Variants in DYNC2I2 observed in about 807,000 individuals in gnomAD.
DYNC2I2 encodes dynein 2 intermediate chain 2.
A neutral mutation model predicts 52.0 loss-of-function variants in DYNC2I2; 39 were observed. The observed-to-expected ratio is 0.75, with a 90% CI of 0.58 to 0.98. The LOEUF (loss-of-function observed/expected upper bound fraction) is 0.98. Ranked by LOEUF, DYNC2I2 falls within the 50% of genes least tolerant of loss-of-function variation. DYNC2I2 has a pLI of 0.00. For synonymous variants in DYNC2I2, 359 were observed against 321.1 expected (o/e 1.12, Z -1.26); for missense variants, 743 against 728.4 (o/e 1.02, Z -0.23).
At chr9:128,641,557 G>A (rs1299581467) in intron 1 of DYNC2I2, among the ~76,000 whole-genome samples, 1 of 152,146 alleles carries the variant, frequency 6.6e-6, no homozygotes, top group Non-Finnish European at 1.5e-5. Flanking sequence ...AACAGGGCAG[G>A]AGAGGCCAGC....
intron 2 of DYNC2I2, 127 bp downstream of exon 2, chr9:128,640,564 A>G: frequency 1.4e-6 from 2 of 1,441,620 alleles, no homozygotes; most frequent in Non-Finnish European, 1.9e-6. Flanking sequence ...ACCAGGCAGG[A>G]CATTAGAGCC....
chr9:128,665,053 T>C, the DYNC2I2 span, among the ~76,000 whole-genome samples: 49 of 151,128 alleles, frequency 3.2e-4, no homozygotes, highest in African/African-American at 1.2e-3. Context: ...TCTTTTTCTT[T>C]TTCTTTTTTT....
At chr9:128,645,181 T>C (rs1215966216) in intron 1 of DYNC2I2, among the ~76,000 whole-genome samples, 16 of 120,282 alleles carry the variant, frequency 1.3e-4, no homozygotes, top group African/African-American at 5.0e-4. Flanking sequence ...TGAAACCCCA[T>C]CTCTACTAAA....
chr9:128,652,513 C>T (rs989338740), intron 1 of DYNC2I2, among the ~76,000 whole-genome samples: 5 of 149,916 alleles, frequency 3.3e-5, no homozygotes, highest in Non-Finnish European at 5.9e-5. Flanking sequence ...CTCCTAGGTA[C>T]TCAGGAGGCT....
intron 1 of DYNC2I2, among the ~76,000 whole-genome samples, chr9:128,641,945 T>G (rs887872078): frequency 6.6e-6 from 1 of 151,408 alleles, no homozygotes; most frequent in East Asian, 1.9e-4. Context: ...TGCATGGTAT[T>G]TGGCACAAAG....
the DYNC2I2 span, among the ~76,000 whole-genome samples, chr9:128,678,346 G>A: frequency 5.3e-5 from 8 of 151,358 alleles, no homozygotes; most frequent in African/African-American, 1.9e-4. Flanking sequence ...GGGATTACAG[G>A]TGTGAGCCAC....
intron 1 of DYNC2I2, 23 bp downstream of exon 1, chr9:128,656,518 C>T: frequency 7.8e-7 from 1 of 1,274,492 alleles, no homozygotes; most frequent in South Asian, 2.7e-5. Context: ...CCGCGTCGCT[C>T]CGCGCGGGGC....
chr9:128,679,277 A>G, the DYNC2I2 span, among the ~76,000 whole-genome samples: 1 of 151,920 alleles, frequency 6.6e-6, no homozygotes, highest in African/African-American at 2.4e-5. Context: ...AAATCAAGAC[A>G]CCTGTGACTT....
In DYNC2I2 at chr9:128,633,739, A is replaced by C. The variant is rs13581; in HGVS notation, c.*5T>G. On this transcript the variant is annotated 3_prime_UTR_variant, in exon 9 of 9. Transcript: ENST00000372715. ...CGAAGGCTTGCACCCGCCTCCCGGG[A>C]CCCCTCAGGCCGCCACCTCTGCTGC... 6,226 of 1,611,442 alleles carry C rather than the reference A, an allele frequency of 3.9e-3. 199 individuals are homozygous for C. In the African/African-American group the frequency reaches 0.072, roughly 19 times the overall value.
At position 128,640,008 on chromosome 9, in the gene DYNC2I2, C is replaced by A. The variant is rs1270117452; in HGVS notation, c.435+683G>T. ...GGAGTGAAGAAGATACCACAGGAGA[C>A]ATTCTTTTTTTTTTTTTGAGACAGA... On this transcript the variant is annotated intron_variant, in intron 2 of 8. Coordinates refer to ENST00000372715, the MANE Select transcript of DYNC2I2 (RefSeq NM_052844.4). Among the ~76,000 whole-genome samples, 2 of 11,364 alleles carry A rather than the reference C, an allele frequency of 1.8e-4. 1 individual carries two copies. Among genetic ancestry groups the A allele is most frequent in the African/African-American group, 7.3e-4 (2 of 2,734 alleles). The allele number at this position is 11,364 out of a possible 152,430, so 7.5% of individuals were successfully genotyped here.
the DYNC2I2 span, among the ~76,000 whole-genome samples, chr9:128,671,899 C>T: frequency 2.0e-5 from 3 of 151,638 alleles, no homozygotes; most frequent in African/African-American, 4.8e-5. Flanking sequence ...ATGATCCGCC[C>T]GCCTCGGCCT....
intron 1 of DYNC2I2, 81 bp from the exon 2 acceptor site, chr9:128,641,020 C>T: frequency 6.8e-7 from 1 of 1,480,220 alleles, no homozygotes; most frequent in East Asian, 2.4e-5. Context: ...GCCCCTCCTG[C>T]TTGACCCCCT....
chr9:128,657,627 A>C (rs1860857831), upstream of DYNC2I2, among the ~76,000 whole-genome samples: 1 of 152,084 alleles, frequency 6.6e-6, no homozygotes, highest in South Asian at 2.1e-4. Flanking sequence ...ACATAGTGAG[A>C]GCCCGTCTCT....
chr9:128,637,074 C>G, intron 2 of DYNC2I2, 47 bp from the exon 3 acceptor site: 1 of 1,441,326 alleles, frequency 6.9e-7, no homozygotes, highest in Non-Finnish European at 9.7e-7. Flanking sequence ...CAGCAGGGGC[C>G]TCATGACTGC....
chr9:128,661,304 CAAA>C (rs34937317), upstream of DYNC2I2, among the ~76,000 whole-genome samples: 8 of 62,218 alleles, frequency 1.3e-4, no homozygotes, highest in South Asian at 2.8e-3. Context: ...GACTCCATCT[CAAA>C]AAAAAAAAAA....
In DYNC2I2 at chr9:128,634,307, G is replaced by A. The variant is rs1860313931; in HGVS notation, c.1291C>T (p.Leu431=). 1 of 1,613,562 alleles carries A rather than the reference G, an allele frequency of 6.2e-7. No homozygotes were observed. Among genetic ancestry groups the A allele is most frequent in the African/African-American group, 1.3e-5 (1 of 74,918 alleles). ...SMLQAPPLTS[L]QLSLKYLFAV... is the part of the protein sequence containing the mutation. Reference sequence around the variant, plus strand: ...AACAGATACTTGAGGGAGAGCTGCAGCGAAGTCAAGGGAGGGGCCTGCAGC... The same window carrying A: ...AACAGATACTTGAGGGAGAGCTGCAACGAAGTCAAGGGAGGGGCCTGCAGC... The change falls in exon 8 of 9, where the codon CTG becomes TTG. Residue 431 remains leucine (L), a synonymous_variant. Coordinates refer to ENST00000372715, the MANE Select transcript of DYNC2I2 (RefSeq NM_052844.4).
chr9:128,647,559 C>T (rs565825541), intron 1 of DYNC2I2, among the ~76,000 whole-genome samples: 2 of 152,034 alleles, frequency 1.3e-5, no homozygotes, highest in South Asian at 4.1e-4. Flanking sequence ...CATGGTAAAA[C>T]CCCGTCTCTA....
At chr9:128,642,340 T>C (rs1366298856) in intron 1 of DYNC2I2, among the ~76,000 whole-genome samples, 3 of 138,536 alleles carry the variant, frequency 2.2e-5, no homozygotes, top group Admixed American at 7.6e-5. Flanking sequence ...CCTGTAATCC[T>C]AGCTACTCAG....
At chr9:128,642,638 C>G (rs7037687) in intron 1 of DYNC2I2, among the ~76,000 whole-genome samples, 151,302 of 151,786 alleles carry the variant, frequency 1, 75,412 homozygotes, top group Middle Eastern at 1. Context: ...GGGCATGGTC[C>G]TGGGTGCCTG....
Sources: gnomAD v4.1 joint callset for allele counts (sites outside exome capture counted in the v4.1 genomes callset) on GRCh38, gnomAD v4.1.1 for gene constraint, MANE v1.5 for transcripts, NCBI Gene and HGNC (gene_info 2026-07-23, HGNC 2026-07-21) for gene names.